Variants in KCNK5 observed in about 807,000 individuals in gnomAD.
The protein encoded by KCNK5 is potassium channel subfamily K member 5.
In KCNK5, 18 loss-of-function variants were observed where a neutral mutation model predicts 32.9. That is an observed-to-expected ratio of 0.55 (90% CI 0.38 to 0.81). KCNK5 has a LOEUF of 0.81. KCNK5 is among the 30% of genes least tolerant of loss of function. The pLI, the probability that KCNK5 is intolerant of heterozygous loss-of-function variation, is 0.00. For missense variants in KCNK5, 507 were observed against 651.0 expected (o/e 0.78, Z 2.41); for synonymous variants, 276 against 275.3 (o/e 1.00, Z -0.03).
At chr6:39,193,652 G>A (rs140258376) in intron 4 of KCNK5, among the ~76,000 whole-genome samples, 1 of 152,346 alleles carries the variant, frequency 6.6e-6, no homozygotes, top group Non-Finnish European at 1.5e-5. Context: ...TGTCAGGGCT[G>A]GGGGCAGGGC....
chr6:39,210,845 G>A (rs955342649), intron 1 of KCNK5, among the ~76,000 whole-genome samples: 3 of 152,168 alleles, frequency 2.0e-5, no homozygotes, highest in Admixed American at 1.3e-4. Flanking sequence ...AAGCAATGGA[G>A]CATGAAGCAG....
intron 1 of KCNK5, among the ~76,000 whole-genome samples, chr6:39,217,237 G>C (rs1771457370): frequency 6.6e-6 from 1 of 151,888 alleles, no homozygotes; most frequent in African/African-American, 2.4e-5. Context: ...CCTGTCTGTA[G>C]TGTGGCTGAC....
intron 4 of KCNK5, among the ~76,000 whole-genome samples, chr6:39,193,066 C>G (rs1455178008): frequency 6.6e-6 from 1 of 152,204 alleles, no homozygotes; most frequent in Non-Finnish European, 1.5e-5. Context: ...CCAGGCCCTA[C>G]CCTTAACACT....
chr6:39,223,919 C>A (rs1771604877), intron 1 of KCNK5, among the ~76,000 whole-genome samples: 1 of 152,188 alleles, frequency 6.6e-6, no homozygotes, highest in Non-Finnish European at 1.5e-5. Context: ...CCCACCCCCA[C>A]TGGAAACTTT....
chr6:39,228,886 C>T (rs2241595), intron 1 of KCNK5, 40 bp downstream of exon 1: 2 of 1,601,750 alleles, frequency 1.2e-6, no homozygotes, highest in African/African-American at 2.7e-5. Context: ...AAAGCTCAAG[C>T]CAGCTTCAGA....
intron 1 of KCNK5, among the ~76,000 whole-genome samples, chr6:39,227,369 C>T (rs1338948227): frequency 1.3e-5 from 2 of 152,060 alleles, no homozygotes; most frequent in African/African-American, 4.8e-5. Flanking sequence ...CATAAAGCAA[C>T]CCCCTCCCCA....
rs569424725 is a variant in KCNK5 at position 39,190,677 on chromosome 6, CA to C, written c.*212del. 1.1e-3 allele frequency: 524 copies of C among 481,970 alleles called. No individual in the cohort carries two copies. Among genetic ancestry groups the C allele is most frequent in the Non-Finnish European group, 1.7e-3 (484 of 280,570 alleles). 29.9% of individuals were successfully genotyped at this position (481,970 alleles called of 1,614,324 possible). ...CAGCCAAGCTCAGGACAGATGCCCCCACAGCCAGGGTATGGTTCAGCTGGAG... is the reference window on the plus strand; with the variant it reads ...CAGCCAAGCTCAGGACAGATGCCCCCCAGCCAGGGTATGGTTCAGCTGGAG... On this transcript the variant is annotated 3_prime_UTR_variant, in exon 5 of 5. Coordinates refer to ENST00000359534, the MANE Select transcript of KCNK5 (RefSeq NM_003740.4).
intron 4 of KCNK5, among the ~76,000 whole-genome samples, chr6:39,193,426 A>G (rs1770975636): frequency 6.6e-6 from 1 of 152,202 alleles, no homozygotes; most frequent in Admixed American, 6.5e-5. Flanking sequence ...GGGAGGGGGT[A>G]CAGAACAGAG....
At chr6:39,228,172 C>T (rs1771706929) in intron 1 of KCNK5, among the ~76,000 whole-genome samples, 1 of 152,104 alleles carries the variant, frequency 6.6e-6, no homozygotes, top group Admixed American at 6.6e-5. Context: ...AGGGAAGTCC[C>T]CCACCCACCC....
intron 1 of KCNK5, among the ~76,000 whole-genome samples, chr6:39,215,775 A>G (rs1391148865): frequency 1.3e-5 from 2 of 152,196 alleles, no homozygotes; most frequent in Non-Finnish European, 2.9e-5. Context: ...CTAAGAGGCA[A>G]TTCTATCTCC....
chr6:39,221,742 T>A (rs1218522353), intron 1 of KCNK5, among the ~76,000 whole-genome samples: 1 of 152,174 alleles, frequency 6.6e-6, no homozygotes, highest in African/African-American at 2.4e-5. Flanking sequence ...TGTGTTTTGT[T>A]TGGAGCCAGG....
At chr6:39,222,351 G>T (rs1284625987) in intron 1 of KCNK5, among the ~76,000 whole-genome samples, 1 of 152,224 alleles carries the variant, frequency 6.6e-6, no homozygotes, top group Non-Finnish European at 1.5e-5. Flanking sequence ...GAGAAAGGAA[G>T]GAGGGGGTGT....
chr6:39,194,573 C>A lies in KCNK5; in HGVS notation c.465+21G>T, dbSNP rs202242010. On this transcript the variant is annotated intron_variant, in intron 3 of 4. Coordinates refer to ENST00000359534, the MANE Select transcript of KCNK5 (RefSeq NM_003740.4). This position sits in a 1 kb window ranked among gnomAD's most constrained non-coding sequence, Gnocchi z 4.7. ...TCATGGTTCCCCCATCTCTGCCCAA[C>A]ACCCAGGGTAGGGGACATACCAGAC... 6.2e-7 allele frequency: 1 copy of A among 1,612,774 alleles called. No individual in the cohort carries two copies. Among genetic ancestry groups the A allele is most frequent in the African/African-American group, 1.3e-5 (1 of 75,010 alleles).
chr6:39,219,176 C>T (rs914011699), intron 1 of KCNK5, among the ~76,000 whole-genome samples: 4 of 152,016 alleles, frequency 2.6e-5, no homozygotes, highest in Admixed American at 6.5e-5. Flanking sequence ...GAAAGGAATT[C>T]GGGAAAAGTT....
Position 39,190,760 on chromosome 6 carries a change from G to T in KCNK5, c.*130C>A. 2.3e-6 allele frequency: 2 copies of T among 872,326 alleles called. No homozygotes were observed. Among genetic ancestry groups the T allele is most frequent in the East Asian group, 2.8e-5 (1 of 35,682 alleles). The allele number at this position is 872,326 out of a possible 1,614,324, so 54.0% of individuals were successfully genotyped here. ...CTGAGGATGATGGAAGGTTAGGAAG[G>T]CCCCTGGCCCCCCACTCCCAGTTCC... On this transcript the variant is annotated 3_prime_UTR_variant, in exon 5 of 5. Coordinates refer to ENST00000359534, the MANE Select transcript of KCNK5 (RefSeq NM_003740.4).
intron 1 of KCNK5, among the ~76,000 whole-genome samples, chr6:39,221,453 A>G (rs1309573917): frequency 6.6e-6 from 1 of 152,146 alleles, no homozygotes; most frequent in Non-Finnish European, 1.5e-5. Flanking sequence ...TTCCTGTCCA[A>G]TGGGAATAGC....
rs147249424 is a variant in KCNK5 at position 39,196,870 on chromosome 6, A to G, written c.187-883T>C. ...CTGGGGATGGGATGTCCCCCTGGAGAGTGCGAGGAGCGGTGGGGCAGAGGT... is the reference window on the plus strand; with the variant it reads ...CTGGGGATGGGATGTCCCCCTGGAGGGTGCGAGGAGCGGTGGGGCAGAGGT... On this transcript the variant is annotated intron_variant, in intron 1 of 4. Coordinates refer to ENST00000359534, the MANE Select transcript of KCNK5 (RefSeq NM_003740.4). Among the ~76,000 whole-genome samples the G allele has an allele frequency of 3.9e-5, 6 of 152,316 alleles. No individual in the cohort carries two copies. The East Asian group carries it at 1.2e-3, about 29-fold the overall frequency.
Position 39,194,136 on chromosome 6 carries a change from A to G in KCNK5, c.634+33T>C, listed in dbSNP as rs371126270. 3.1e-5 allele frequency: 50 copies of G among 1,613,092 alleles called. No homozygotes were observed. The highest frequency in any genetic ancestry group is 4.2e-5 in the Non-Finnish European group (50 of 1,179,218). ...TGTTGCACTGAAACCAAAGAAGCAG[A>G]AAAAGAGGTGGGAGGCAGAGGCAGG... is the stretch of plus-strand genomic sequence containing the variant. On this transcript the variant is annotated intron_variant, in intron 4 of 4. Transcript: ENST00000359534. The surrounding 1 kb of genome is among the most constrained non-coding windows in gnomAD (Gnocchi z 4.7).
chr6:39,194,142 A>T lies in KCNK5; in HGVS notation c.634+27T>A, dbSNP rs1254726653. Reference sequence around the variant, plus strand: ...ACTGAAACCAAAGAAGCAGAAAAAGAGGTGGGAGGCAGAGGCAGGGACTCA... The same window carrying T: ...ACTGAAACCAAAGAAGCAGAAAAAGTGGTGGGAGGCAGAGGCAGGGACTCA... On this transcript the variant is annotated intron_variant, in intron 4 of 4. Coordinates refer to ENST00000359534, the MANE Select transcript of KCNK5 (RefSeq NM_003740.4). This position sits in a 1 kb window ranked among gnomAD's most constrained non-coding sequence, Gnocchi z 4.7. 6.2e-7 allele frequency: 1 copy of T among 1,613,636 alleles called. No homozygotes were observed. Among genetic ancestry groups the T allele is most frequent in the Non-Finnish European group, 8.5e-7 (1 of 1,179,632 alleles).
Sources: gnomAD v4.1 joint callset for allele counts (sites outside exome capture counted in the v4.1 genomes callset) on GRCh38, gnomAD v4.1.1 for gene constraint, Gnocchi (gnomAD v3.1) non-coding constraint, MANE v1.5 for transcripts, NCBI Gene and HGNC (gene_info 2026-07-23, HGNC 2026-07-21) for gene names.